The following FAM227B variants were observed in gnomAD, a reference collection of about 807,000 sequenced individuals.
FAM227B encodes protein FAM227B.
In FAM227B, 88 loss-of-function variants were observed where a neutral mutation model predicts 73.8. That is an observed-to-expected ratio of 1.19 (90% CI 1.00 to 1.42). The LOEUF is 1.42. Ranked by LOEUF, FAM227B falls within the 40% of genes most tolerant of loss-of-function variation. The pLI is 0.00. For missense variants in FAM227B, 632 were observed against 590.9 expected (o/e 1.07, Z -0.72); for synonymous variants, 210 against 190.5 (o/e 1.10, Z -0.84).
intron 5 of FAM227B, among the ~76,000 whole-genome samples, chr15:49,579,447 G>A (rs965717396): frequency 1.3e-5 from 2 of 152,126 alleles, no homozygotes; most frequent in African/African-American, 4.8e-5. Context: ...ATACACAATG[G>A]AATACTATTT....
In FAM227B at chr15:49,389,288, C is replaced by A. The variant is rs559678005; in HGVS notation, c.1013-17889G>T. Among the ~76,000 whole-genome samples the A allele has an allele frequency of 2.6e-5, 4 of 152,074 alleles. No homozygotes were observed. In the South Asian group the frequency reaches 8.3e-4, roughly 32 times the overall value. ...GGATAAAGAAAATGTGGCACATACA[C>A]ACCATGGACTACTCAGCCATTCAAA... On this transcript the variant is annotated intron_variant, in intron 11 of 15. Transcript: ENST00000299338.
intron 11 of FAM227B, among the ~76,000 whole-genome samples, chr15:49,478,947 G>C (rs1382263915): frequency 6.6e-6 from 1 of 152,084 alleles, no homozygotes; most frequent in Non-Finnish European, 1.5e-5. Context: ...AATTATGAAA[G>C]ATTTTAGAGA....
intron 11 of FAM227B, among the ~76,000 whole-genome samples, chr15:49,376,498 A>T (rs1334493417): frequency 1.3e-5 from 2 of 152,074 alleles, no homozygotes; most frequent in Non-Finnish European, 2.9e-5. Flanking sequence ...TTATGCCAGT[A>T]CCACATTGTC....
intron 13 of FAM227B, among the ~76,000 whole-genome samples, chr15:49,346,948 GT>G (rs755694082): frequency 1.3e-5 from 2 of 152,080 alleles, no homozygotes; most frequent in Admixed American, 6.5e-5. Flanking sequence ...TAGATTTGTA[GT>G]TTACCCAACA....
chr15:49,365,737 A>G, intron 13 of FAM227B: 1 of 879,310 alleles, frequency 1.1e-6, no homozygotes, highest in Non-Finnish European at 1.9e-6. Flanking sequence ...GATATCTTGT[A>G]AAATCCAAGC....
intron 11 of FAM227B, among the ~76,000 whole-genome samples, chr15:49,420,763 T>C (rs1362034520): frequency 6.6e-6 from 1 of 152,204 alleles, no homozygotes. Context: ...TGGAGTGCAG[T>C]TGTGCGATCT....
intron 11 of FAM227B, among the ~76,000 whole-genome samples, chr15:49,380,283 T>C (rs985709014): frequency 6.6e-6 from 1 of 152,056 alleles, no homozygotes; most frequent in African/African-American, 2.4e-5. Context: ...GGCGGCGTGC[T>C]CCCCTCTGTC....
chr15:49,588,547 C>CTATATATATATATATA (rs71120695), intron 4 of FAM227B, among the ~76,000 whole-genome samples: 1 of 38,054 alleles, frequency 2.6e-5, no homozygotes, highest in Non-Finnish European at 5.2e-5. Context: ...ATATTGAGGA[C>CTATATATATATATATA]TATATATATA....
At chr15:49,329,032 C>G (rs958898820) in intron 15 of FAM227B, 35 of 1,007,286 alleles carry the variant, frequency 3.5e-5, no homozygotes, top group Non-Finnish European at 4.2e-5. Flanking sequence ...TTTTCTACTA[C>G]TTTTTCTCAA....
At chr15:49,432,340 T>C (rs2050690227) in intron 11 of FAM227B, among the ~76,000 whole-genome samples, 1 of 151,686 alleles carries the variant, frequency 6.6e-6, no homozygotes, top group South Asian at 2.1e-4. Flanking sequence ...GCACAGCTTC[T>C]CTAACTAACC....
intron 11 of FAM227B, among the ~76,000 whole-genome samples, chr15:49,432,006 G>T (rs1366815409): frequency 6.6e-6 from 1 of 151,540 alleles, no homozygotes; most frequent in Non-Finnish European, 1.5e-5. Flanking sequence ...TGAATCTCTT[G>T]GTTGATTTTG....
chr15:49,424,316 A>G (rs1480414288), intron 11 of FAM227B: 8 of 1,613,362 alleles, frequency 5.0e-6, no homozygotes, highest in Non-Finnish European at 6.8e-6. Flanking sequence ...ATGGATACTG[A>G]CATGGATCCT....
intron 3 of FAM227B, among the ~76,000 whole-genome samples, chr15:49,608,421 T>TC (rs1202597117): frequency 1.3e-5 from 2 of 151,998 alleles, no homozygotes; most frequent in Admixed American, 1.3e-4. Flanking sequence ...AGAGAGGAAT[T>TC]TTTTTTATTG....
intron 1 of FAM227B, among the ~76,000 whole-genome samples, chr15:49,619,740 A>C (rs913048446): frequency 5.3e-5 from 8 of 152,234 alleles, no homozygotes; most frequent in African/African-American, 1.9e-4. Flanking sequence ...TTTAGAGTTA[A>C]ACTAAAAAGG....
intron 9 of FAM227B, among the ~76,000 whole-genome samples, chr15:49,567,438 A>G (rs11070707): frequency 0.7 from 106,892 of 151,854 alleles, 37,934 homozygotes; most frequent in East Asian, 0.93. Flanking sequence ...TCTACTAGTG[A>G]TAGTTTCTTT....
At chr15:49,510,186 C>A (rs2152118762) in intron 10 of FAM227B, among the ~76,000 whole-genome samples, 1 of 152,264 alleles carries the variant, frequency 6.6e-6, no homozygotes, top group East Asian at 1.9e-4. Context: ...CCCATTATCA[C>A]CACATACAAG....
intron 13 of FAM227B, chr15:49,365,236 A>T: frequency 9.4e-7 from 1 of 1,069,194 alleles, no homozygotes; most frequent in Non-Finnish European, 1.5e-6. Context: ...TCATTTCCTT[A>T]CATTTCCAGG....
intron 9 of FAM227B, among the ~76,000 whole-genome samples, chr15:49,555,792 A>G (rs970796005): frequency 2.6e-5 from 4 of 152,168 alleles, no homozygotes; most frequent in Admixed American, 2.6e-4. Context: ...TTGGAGAATC[A>G]GTCTTTGAGC....
intron 13 of FAM227B, among the ~76,000 whole-genome samples, chr15:49,339,581 C>A (rs946391116): frequency 4.6e-5 from 7 of 152,132 alleles, no homozygotes; most frequent in Non-Finnish European, 1.0e-4. Flanking sequence ...GAGGTGCCTC[C>A]CAGTCAGGAT....
Sources: allele counts gnomAD v4.1 joint callset (sites outside exome capture counted in the v4.1 genomes callset), GRCh38; gene constraint gnomAD v4.1.1; transcripts MANE v1.5; gene names NCBI Gene and HGNC (gene_info 2026-07-23, HGNC 2026-07-21).